The following SCN1A variants were observed in gnomAD, a reference collection of about 807,000 sequenced individuals.
The protein encoded by SCN1A is sodium channel protein type 1 subunit alpha.
SCN1A carries 13 observed loss-of-function variants against 193.7 expected under a neutral mutation model. The observed-to-expected ratio is 0.07, with a 90% CI of 0.04 to 0.11. The LOEUF is 0.11. SCN1A is among the 10% of genes least tolerant of loss of function. SCN1A has a pLI of 1.00. For synonymous variants in SCN1A, 781 were observed against 843.6 expected (o/e 0.93, Z 1.29); for missense variants, 1,432 against 2,451.1 (o/e 0.58, Z 8.78).
At chr2:166,136,181 T>C (rs1294504012) in intron 1 of SCN1A, among the ~76,000 whole-genome samples, 1 of 152,186 alleles carries the variant, frequency 6.6e-6, no homozygotes, top group Non-Finnish European at 1.5e-5. Flanking sequence ...GTCACCTGTA[T>C]TCCTCATCTT....
At chr2:166,056,058 C>T (rs1014102161) in intron 6 of SCN1A, among the ~76,000 whole-genome samples, 1 of 151,974 alleles carries the variant, frequency 6.6e-6, no homozygotes, top group Non-Finnish European at 1.5e-5. Flanking sequence ...CTTTTTGATT[C>T]TTGATTCAAT....
rs181556619 is a variant in SCN1A at position 166,101,415 on chromosome 2, C to T, written c.-141-23614G>A. Reference sequence around the variant, plus strand: ...GGGAGATATACCTAATGCTGGATGACGAGTTAGTGGGTGCAGCGCACCAGC... The same window carrying T: ...GGGAGATATACCTAATGCTGGATGATGAGTTAGTGGGTGCAGCGCACCAGC... On this transcript the variant is annotated intron_variant, in intron 2 of 28. Transcript: ENST00000674923. Among the ~76,000 whole-genome samples, 426 of 146,732 alleles carry T rather than the reference C, an allele frequency of 2.9e-3. 2 individuals carry two copies. The highest frequency in any genetic ancestry group is 0.01 in the African/African-American group (397 of 39,686).
chr2:166,049,012 C>T (rs1411127863), intron 9 of SCN1A, 63 bp from the exon 10 acceptor site: 2 of 981,082 alleles, frequency 2.0e-6, no homozygotes, highest in Non-Finnish European at 3.3e-6. Flanking sequence ...CAAATGAGAA[C>T]AGGAAGGTCA....
At chr2:166,025,681 T>A (rs1193893525) in intron 19 of SCN1A, among the ~76,000 whole-genome samples, 1 of 152,082 alleles carries the variant, frequency 6.6e-6, no homozygotes, top group East Asian at 1.9e-4. Flanking sequence ...TCTTACTGAT[T>A]TTTTTTTCCT....
At chr2:166,147,108 G>C (rs1430071473) in intron 1 of SCN1A, among the ~76,000 whole-genome samples, 2 of 152,090 alleles carry the variant, frequency 1.3e-5, no homozygotes, top group African/African-American at 4.8e-5. Context: ...GACTCAGTAA[G>C]TCTGTCATGA....
intron 8 of SCN1A, among the ~76,000 whole-genome samples, chr2:166,052,208 C>G (rs918574273): frequency 6.6e-6 from 1 of 151,854 alleles, no homozygotes; most frequent in African/African-American, 2.4e-5. Context: ...CCCATTATGT[C>G]GAGATAGAGT....
chr2:166,013,420 G>A (rs866831431), intron 21 of SCN1A, among the ~76,000 whole-genome samples: 2 of 151,332 alleles, frequency 1.3e-5, no homozygotes, highest in South Asian at 2.1e-4. Context: ...CCATCCCAGG[G>A]CTTCCAATAA....
chr2:166,108,099 C>T lies in SCN1A; in HGVS notation c.-142+18825G>A, dbSNP rs569507013. 2.6e-5 allele frequency among the ~76,000 whole-genome samples: 4 copies of T among 151,734 alleles called. No homozygotes were observed. The East Asian group carries it at 7.7e-4, about 29-fold the overall frequency. On this transcript the variant is annotated intron_variant, in intron 2 of 28. Coordinates refer to ENST00000674923, the MANE Select transcript of SCN1A (RefSeq NM_001165963.4). ...TATATATTTTAAAACTCTTACAAGT[C>T]AATAATAAAAAACCCCAAAGAACCT...
At chr2:166,088,655 A>C (rs1686415394) in intron 2 of SCN1A, among the ~76,000 whole-genome samples, 1 of 152,190 alleles carries the variant, frequency 6.6e-6, no homozygotes, top group Non-Finnish European at 1.5e-5. Flanking sequence ...TAAATTCCCA[A>C]ATATATCTCA....
upstream of SCN1A, among the ~76,000 whole-genome samples, chr2:166,130,294 C>T (rs1012508933): frequency 6.6e-6 from 1 of 152,118 alleles, no homozygotes; most frequent in African/African-American, 2.4e-5. Flanking sequence ...CTTCATGCAC[C>T]TGATATATGC....
At chr2:166,098,859 G>A (rs925365403) in intron 2 of SCN1A, among the ~76,000 whole-genome samples, 4 of 152,132 alleles carry the variant, frequency 2.6e-5, no homozygotes, top group Non-Finnish European at 4.4e-5. Context: ...AGAAATCAGA[G>A]ATGGCACACA....
rs1032498282 is a variant in SCN1A at position 166,047,774 on chromosome 2, A to G, written c.1029-6T>C. 1 of 1,613,244 alleles carries G rather than the reference A, an allele frequency of 6.2e-7. No homozygotes were observed. Among genetic ancestry groups the G allele is most frequent in the Non-Finnish European group, 8.5e-7 (1 of 1,179,432 alleles). Reference sequence around the variant, plus strand: ...TATATCCCTCTGGACATTGGCTGCAAGTGGGGTAAAAGAAAGTATTACAAG... The same window carrying G: ...TATATCCCTCTGGACATTGGCTGCAGGTGGGGTAAAAGAAAGTATTACAAG... On this transcript the variant is annotated splice_region_variant and splice_polypyrimidine_tract_variant and intron_variant, in intron 10 of 28. Transcript: ENST00000674923.
chr2:166,026,708 G>A (rs1210628629), intron 19 of SCN1A, among the ~76,000 whole-genome samples: 6 of 98,834 alleles, frequency 6.1e-5, no homozygotes, highest in Non-Finnish European at 7.4e-5. Context: ...TTTTGAGACT[G>A]AGTCTTGCTC....
chr2:166,048,603 T>A (rs143121067), intron 10 of SCN1A, among the ~76,000 whole-genome samples: 1 of 152,116 alleles, frequency 6.6e-6, no homozygotes, highest in South Asian at 2.1e-4. Flanking sequence ...CAGCCTATCA[T>A]TGATGGACAT....
chr2:166,031,960 A>C (rs1695618682), intron 19 of SCN1A, among the ~76,000 whole-genome samples: 1 of 152,124 alleles, frequency 6.6e-6, no homozygotes, highest in Non-Finnish European at 1.5e-5. Flanking sequence ...TCACATGTCT[A>C]AAAACAAATA....
chr2:166,014,028 G>A (rs1692918945), intron 20 of SCN1A, 130 bp from the exon 21 acceptor site: 1 of 1,053,224 alleles, frequency 9.5e-7, no homozygotes, highest in African/African-American at 1.6e-5. Context: ...TCTAAGCCTA[G>A]AGTAGTAAGA....
intron 27 of SCN1A, 24 bp downstream of exon 27, chr2:165,995,989 C>A: frequency 7.0e-7 from 1 of 1,437,742 alleles, no homozygotes. Context: ...GTATTTTTCC[C>A]CCATATCATT....
chr2:166,029,738 G>A (rs554968671), intron 19 of SCN1A, among the ~76,000 whole-genome samples: 1 of 152,264 alleles, frequency 6.6e-6, no homozygotes, highest in South Asian at 2.1e-4. Context: ...CAGGGTTAGT[G>A]TTTTTCCTGT....
intron 19 of SCN1A, among the ~76,000 whole-genome samples, chr2:166,035,459 AT>A (rs940043874): frequency 6.6e-6 from 1 of 152,160 alleles, no homozygotes; most frequent in Non-Finnish European, 1.5e-5. Flanking sequence ...TGTCAAAAAA[AT>A]CTATATGGAA....
Sources: gnomAD v4.1 joint callset for allele counts (sites outside exome capture counted in the v4.1 genomes callset) on GRCh38, gnomAD v4.1.1 for gene constraint, MANE v1.5 for transcripts, NCBI Gene and HGNC (gene_info 2026-07-23, HGNC 2026-07-21) for gene names.